The following CDH10 variants were observed in gnomAD, a reference collection of about 807,000 sequenced individuals.
CDH10 encodes cadherin-10.
A neutral mutation model predicts 73.1 loss-of-function variants in CDH10; 30 were observed. The observed-to-expected ratio is 0.41, with a 90% CI of 0.31 to 0.56. The LOEUF (loss-of-function observed/expected upper bound fraction) is 0.56. Among genes scored for constraint, CDH10 ranks in the 20% least tolerant of loss-of-function variants. CDH10 has a pLI of 0.27. For missense variants in CDH10, 815 were observed against 973.7 expected, an observed-to-expected ratio of 0.84 and a Z score of 2.17; for synonymous variants, 345 against 348.2, an observed-to-expected ratio of 0.99 and a Z score of 0.10.
chr5:24,573,047 AT>A (rs1410715453), intron 2 of CDH10, among the ~76,000 whole-genome samples: 18 of 151,862 alleles, frequency 1.2e-4, no homozygotes, highest in African/African-American at 4.3e-4. Context: ...ATATAAATTG[AT>A]TTCCAAAAGT....
At chr5:24,640,179 C>A (rs1747999552) in intron 1 of CDH10, among the ~76,000 whole-genome samples, 1 of 151,130 alleles carries the variant, frequency 6.6e-6, no homozygotes. Context: ...TACAACAGGG[C>A]AATTTTTTTT....
At chr5:24,504,674 C>T (rs1397259271) in intron 8 of CDH10, among the ~76,000 whole-genome samples, 10 of 151,552 alleles carry the variant, frequency 6.6e-5, no homozygotes, top group Admixed American at 2.0e-4. Context: ...TACAGGCGCC[C>T]GCCACCATGC....
chr5:24,554,541 A>C (rs1271350110), intron 2 of CDH10, among the ~76,000 whole-genome samples: 1 of 148,410 alleles, frequency 6.7e-6, no homozygotes, highest in African/African-American at 2.5e-5. Flanking sequence ...ATTTTTCTTG[A>C]TGGCTTTCCT....
intron 2 of CDH10, among the ~76,000 whole-genome samples, chr5:24,547,337 C>G (rs568424671): frequency 3.3e-5 from 5 of 152,162 alleles, no homozygotes; most frequent in African/African-American, 9.6e-5. Flanking sequence ...GCTATGTAAA[C>G]AAGAACTGAA....
At chr5:24,515,006 A>G in intron 5 of CDH10, among the ~76,000 whole-genome samples, 1 of 152,206 alleles carries the variant, frequency 6.6e-6, no homozygotes, top group Non-Finnish European at 1.5e-5. Context: ...TTAATAAACC[A>G]CATTCAACTA....
chr5:24,614,029 C>T (rs574527822), intron 1 of CDH10, among the ~76,000 whole-genome samples: 6 of 152,032 alleles, frequency 3.9e-5, no homozygotes, highest in Middle Eastern at 3.4e-3. Context: ...ATGTGCATTC[C>T]GGAACAGTAT....
chr5:24,548,231 G>A (rs984070804), intron 2 of CDH10, among the ~76,000 whole-genome samples: 5 of 151,848 alleles, frequency 3.3e-5, no homozygotes, highest in Admixed American at 6.6e-5. Context: ...AGCTTCAAGC[G>A]ATTCTCCTGC....
rs1262722121 is a variant in CDH10, at chr5:24,537,644, A to C, written c.262T>G (p.Ser88Ala). The change falls in exon 3 of 12, where the codon TCA becomes GCA. Residue 88 changes from serine to alanine, a missense_variant. Ser to Ala is a moderately conservative substitution (Grantham distance 99). Coordinates refer to ENST00000264463, the MANE Select transcript of CDH10 (RefSeq NM_006727.5). ...LHSDQDKGDGSLKYILSGDGA... is the reference protein window; with the variant it reads ...LHSDQDKGDGALKYILSGDGA... ...TCTCCAGATAAGATATATTTGAGTG[A>C]TCCATCTCCTTTATCTTGGTCTGAA... The C allele has an allele frequency of 1.2e-6, 2 of 1,602,442 alleles. No homozygotes were observed. The highest frequency in any genetic ancestry group is 2.2e-5 in the South Asian group (2 of 90,780).
At chr5:24,644,021 C>T (rs1282582519) in intron 1 of CDH10, among the ~76,000 whole-genome samples, 1 of 152,118 alleles carries the variant, frequency 6.6e-6, no homozygotes, top group East Asian at 1.9e-4. Flanking sequence ...TCTGCCTATT[C>T]TATTTCTGAT....
rs1303850120 is a variant in CDH10, at chr5:24,549,676, C to T, written c.232-12002G>A. Among the ~76,000 whole-genome samples, 5 of 151,620 alleles carry T rather than the reference C, an allele frequency of 3.3e-5. No individual in the cohort carries two copies. The South Asian group carries it at 8.3e-4, about 25-fold the overall frequency. Reference sequence around the variant, plus strand: ...AAGCGATTCTCCTGCCTCAGCCTCCCGAGTAGCTGGGATTATAGGCGCCTG... The same window carrying T: ...AAGCGATTCTCCTGCCTCAGCCTCCTGAGTAGCTGGGATTATAGGCGCCTG... On this transcript the variant is annotated intron_variant, in intron 2 of 11. Transcript: ENST00000264463.
In CDH10 at chr5:24,580,295, T is replaced by G. The variant is rs553488633; in HGVS notation, c.231+12965A>C. ...AATTATTCATTTTTATACAAGATAT[T>G]TCCCTGTTAAATACCTTTTGTTTAA... On this transcript the variant is annotated intron_variant, in intron 2 of 11. Coordinates refer to ENST00000264463, the MANE Select transcript of CDH10 (RefSeq NM_006727.5). 2.6e-5 allele frequency among the ~76,000 whole-genome samples: 4 copies of G among 152,262 alleles called. No homozygotes were observed. The South Asian group carries it at 8.3e-4, about 32-fold the overall frequency.
chr5:24,537,584 T>C lies in CDH10; in HGVS notation c.322A>G (p.Thr108Ala). Residue 108 changes from threonine to alanine, a missense_variant, in exon 3 of 12, where the codon ACA (threonine) becomes GCA (alanine). Physicochemically the swap from Thr to Ala is moderately conservative, Grantham distance 58 (BLOSUM62 0). Transcript: ENST00000264463. ...AGTLFIIDEK[T>A]GDIHATRRID... is the part of the protein sequence containing the mutation. The stretch of plus-strand genomic sequence containing the variant: ...CGCCTTGTGGCATGAATATCACCTG[T>C]TTTTTCATCAATAATAAAAAGAGTA... 1 of 1,610,018 alleles carries C rather than the reference T, an allele frequency of 6.2e-7. No homozygotes were observed. Among genetic ancestry groups the C allele is most frequent in the Non-Finnish European group, 8.5e-7 (1 of 1,176,546 alleles).
intron 11 of CDH10, among the ~76,000 whole-genome samples, chr5:24,490,888 A>T (rs1033856504): frequency 6.6e-6 from 1 of 152,210 alleles, no homozygotes. Flanking sequence ...TTGTTATTCT[A>T]ACAAATGTTA....
chr5:24,574,364 A>G (rs1745518665), intron 2 of CDH10, among the ~76,000 whole-genome samples: 1 of 152,110 alleles, frequency 6.6e-6, no homozygotes, highest in Admixed American at 6.5e-5. Flanking sequence ...GTGTAGTTGC[A>G]TTGTCTGGTT....
intron 5 of CDH10, among the ~76,000 whole-genome samples, chr5:24,522,488 T>TAAATAAAATA (rs149729376): frequency 6.7e-4 from 101 of 149,968 alleles, no homozygotes; most frequent in East Asian, 3.8e-3. Context: ...AGCAAGAAAG[T>TAAATAAAATA]AAATAAAATA....
chr5:24,512,545 A>T (rs1742956574), intron 5 of CDH10, among the ~76,000 whole-genome samples: 1 of 152,200 alleles, frequency 6.6e-6, no homozygotes, highest in Non-Finnish European at 1.5e-5. Flanking sequence ...CAGCAGGAAC[A>T]AAGGACAGTC....
intron 6 of CDH10, among the ~76,000 whole-genome samples, chr5:24,510,644 T>A (rs188646278): frequency 2.0e-5 from 3 of 152,332 alleles, no homozygotes. Context: ...TAACAGTTGG[T>A]TTTGTACTTT....
At chr5:24,632,166 G>C (rs548611965) in intron 1 of CDH10, among the ~76,000 whole-genome samples, 17 of 151,922 alleles carry the variant, frequency 1.1e-4, no homozygotes, top group African/African-American at 3.9e-4. Flanking sequence ...GTTGTTTCTT[G>C]GTTTTTACTT....
At chr5:24,496,701 T>C (rs1742302155) in intron 9 of CDH10, among the ~76,000 whole-genome samples, 1 of 152,144 alleles carries the variant, frequency 6.6e-6, no homozygotes, top group Non-Finnish European at 1.5e-5. Context: ...AAAGCACACC[T>C]AGGAACCCTG....
Sources: gnomAD v4.1 joint callset for allele counts (sites outside exome capture counted in the v4.1 genomes callset) on GRCh38, gnomAD v4.1.1 for gene constraint, MANE v1.5 for transcripts, NCBI Gene and HGNC (gene_info 2026-07-23, HGNC 2026-07-21) for gene names.